SYNE3: variants seen among roughly 807,000 people sequenced by gnomAD.
SYNE3 encodes the protein spectrin repeat containing nuclear envelope family member 3.
Under a neutral mutation model 111.2 loss-of-function variants are expected in SYNE3, and 100 were observed. The observed-to-expected ratio is 0.90, with a 90% CI of 0.77 to 1.06. SYNE3 has a LOEUF of 1.06. Among genes scored for constraint, SYNE3 ranks in the 50% least tolerant of loss-of-function variants. The pLI is 0.00. For missense variants in SYNE3, 1,160 were observed against 1,240.3 expected (o/e 0.94, Z 0.97); for synonymous variants, 547 against 533.9 (o/e 1.02, Z -0.34).
intron 17 of SYNE3, among the ~76,000 whole-genome samples, chr14:95,418,635 G>A (rs1314077029): frequency 4.0e-5 from 6 of 148,516 alleles, no homozygotes; most frequent in Non-Finnish European, 5.9e-5. Context: ...ATGGAGTCTC[G>A]CTCTGTCGCC....
chr14:95,437,101 G>A (rs962752334), intron 14 of SYNE3, 120 bp from the exon 15 acceptor site: 25 of 1,180,658 alleles, frequency 2.1e-5, no homozygotes, highest in South Asian at 7.2e-5. Context: ...AAATGGCGAC[G>A]GGAGAGGCCT....
intron 8 of SYNE3, among the ~76,000 whole-genome samples, chr14:95,449,249 C>G (rs1246195910): frequency 6.6e-6 from 1 of 152,006 alleles, no homozygotes; most frequent in Non-Finnish European, 1.5e-5. Flanking sequence ...CTAATTGGTA[C>G]AAAGCAGTTA....
chr14:95,432,210 G>A (rs1056901726), intron 16 of SYNE3, 93 bp from the exon 17 acceptor site: 74 of 1,429,688 alleles, frequency 5.2e-5, no homozygotes, highest in Non-Finnish European at 6.9e-5. Flanking sequence ...TGGAATATTC[G>A]TTTTGTCAGG....
At chr14:95,440,126 G>A in intron 11 of SYNE3, 51 bp from the exon 12 acceptor site, 1 of 1,540,028 alleles carries the variant, frequency 6.5e-7, no homozygotes, top group Non-Finnish European at 8.7e-7. Flanking sequence ...GGCCGAGGGG[G>A]AGACCCCCGC....
intron 11 of SYNE3, among the ~76,000 whole-genome samples, chr14:95,442,186 C>T (rs1199420642): frequency 6.6e-6 from 1 of 152,208 alleles, no homozygotes; most frequent in Non-Finnish European, 1.5e-5. Context: ...TTCAGAAAAC[C>T]ACATCACTAG....
At position 95,450,117 on chromosome 14, in the gene SYNE3, G is replaced by T. The variant is rs1336389919; in HGVS notation, c.1275-12C>A. The T allele has an allele frequency of 6.4e-7, 1 of 1,568,152 alleles. No individual in the cohort carries two copies. Among genetic ancestry groups the T allele is most frequent in the Non-Finnish European group, 8.7e-7 (1 of 1,155,312 alleles). On this transcript the variant is annotated splice_polypyrimidine_tract_variant and intron_variant, in intron 7 of 17. Transcript: ENST00000682763. ...TCTTCACCTTCAGGCTGCAAGGAGCGTGGAGGGAGAAAATGAGGGAGGAGA... is the reference window on the plus strand; with the variant it reads ...TCTTCACCTTCAGGCTGCAAGGAGCTTGGAGGGAGAAAATGAGGGAGGAGA...
intron 1 of SYNE3, among the ~76,000 whole-genome samples, chr14:95,487,326 C>G (rs893479052): frequency 1.3e-5 from 2 of 152,218 alleles, no homozygotes; most frequent in East Asian, 1.9e-4. Context: ...GGAGGTAGGT[C>G]CTGTTATTGT....
At chr14:95,454,034 G>A (rs1414709110) in intron 6 of SYNE3, among the ~76,000 whole-genome samples, 1 of 152,238 alleles carries the variant, frequency 6.6e-6, no homozygotes, top group African/African-American at 2.4e-5. Flanking sequence ...CTGACCAGAC[G>A]CTGGATAAGC....
At chr14:95,431,974 G>C (rs1192711045) in intron 17 of SYNE3, 105 bp downstream of exon 17, 1 of 1,343,692 alleles carries the variant, frequency 7.4e-7, no homozygotes, top group Non-Finnish European at 1.0e-6. Context: ...TGGTCTTCCT[G>C]GAACCTTCCA....
chr14:95,479,998 C>T (rs959671288), intron 1 of SYNE3, among the ~76,000 whole-genome samples: 2 of 152,224 alleles, frequency 1.3e-5, no homozygotes, highest in Admixed American at 1.3e-4. Context: ...GCCAGCATGC[C>T]TCTCTGGCAC....
chr14:95,440,268 T>C (rs1462708800), intron 11 of SYNE3, among the ~76,000 whole-genome samples, 193 bp from the exon 12 acceptor site: 1 of 152,224 alleles, frequency 6.6e-6, no homozygotes, highest in Non-Finnish European at 1.5e-5. Context: ...AGATCAAATC[T>C]GGTTTAAAGC....
In SYNE3 at chr14:95,491,857, C is replaced by G. The variant is rs112973125; in HGVS notation, c.-14-16022G>C. Among the ~76,000 whole-genome samples the G allele has an allele frequency of 4.7e-5, 7 of 150,086 alleles. 1 individual carries two copies. The highest frequency in any genetic ancestry group is 3.9e-4 in the East Asian group (2 of 5,162). On this transcript the variant is annotated intron_variant, in intron 1 of 17. Transcript: ENST00000682763. Reference sequence around the variant, plus strand: ...ACAAAATTTTTGCAAATCACATATCCGATAAGGGACTTACATCTAGAAAAT... The same window carrying G: ...ACAAAATTTTTGCAAATCACATATCGGATAAGGGACTTACATCTAGAAAAT...
intron 2 of SYNE3, among the ~76,000 whole-genome samples, chr14:95,469,811 A>C (rs1014235233): frequency 5.3e-5 from 8 of 152,162 alleles, no homozygotes; most frequent in Non-Finnish European, 8.8e-5. Context: ...AATTATGTAG[A>C]CCCTTCCCCA....
At chr14:95,506,569 G>A (rs544086377) in intron 1 of SYNE3, among the ~76,000 whole-genome samples, 1 of 152,228 alleles carries the variant, frequency 6.6e-6, no homozygotes, top group Admixed American at 6.5e-5. Flanking sequence ...CTCACTGCAC[G>A]TGCTGGGGAC....
intron 1 of SYNE3, among the ~76,000 whole-genome samples, chr14:95,492,974 T>A (rs1434725650): frequency 6.6e-6 from 1 of 152,182 alleles, no homozygotes; most frequent in African/African-American, 2.4e-5. Flanking sequence ...CCATTAAAAC[T>A]GACCTAATCT....
intron 17 of SYNE3, among the ~76,000 whole-genome samples, chr14:95,425,056 A>G (rs1179794966): frequency 6.6e-6 from 1 of 152,166 alleles, no homozygotes; most frequent in African/African-American, 2.4e-5. Context: ...CCTGGCCAAC[A>G]TGGTGAAACC....
In SYNE3 at chr14:95,470,736, G is replaced by A. The variant is rs748953256; in HGVS notation, c.145-2769C>T. Among the ~76,000 whole-genome samples, 3 of 152,154 alleles carry A rather than the reference G, an allele frequency of 2.0e-5. No individual in the cohort carries two copies. Among genetic ancestry groups the A allele is most frequent in the Non-Finnish European group, 4.4e-5 (3 of 68,048 alleles). On this transcript the variant is annotated intron_variant, in intron 2 of 17. Coordinates refer to ENST00000682763, the MANE Select transcript of SYNE3 (RefSeq NM_152592.6). This position sits in a 1 kb window ranked among gnomAD's most constrained non-coding sequence, Gnocchi z 4.2. The stretch of plus-strand genomic sequence containing the variant: ...ACACTTTGGGAGGCCGAGGCGGACA[G>A]ATCACGAGGTCAGGAGTTTGAGGCC...
intron 17 of SYNE3, among the ~76,000 whole-genome samples, chr14:95,422,060 G>A (rs376191715): frequency 2.4e-4 from 36 of 152,224 alleles, no homozygotes; most frequent in African/African-American, 7.5e-4. Flanking sequence ...ATGCTTTACC[G>A]TATCCTCAGC....
chr14:95,489,625 G>A (rs80263109), intron 1 of SYNE3, among the ~76,000 whole-genome samples: 2,232 of 152,274 alleles, frequency 0.015, 33 homozygotes, highest in Middle Eastern at 0.031. Flanking sequence ...TCTTTTATTT[G>A]ATTATTTTTA....
Sources: allele counts gnomAD v4.1 joint callset (sites outside exome capture counted in the v4.1 genomes callset), GRCh38; gene constraint gnomAD v4.1.1; non-coding constraint Gnocchi (gnomAD v3.1); transcripts MANE v1.5; gene names NCBI Gene and HGNC (gene_info 2026-07-23, HGNC 2026-07-21).